PCSK2: variants seen among roughly 807,000 people sequenced by gnomAD.
PCSK2 encodes the protein proprotein convertase subtilisin/kexin type 2.
PCSK2 carries 14 observed loss-of-function variants against 69.7 expected under a neutral mutation model. The ratio of observed to expected loss-of-function variants is 0.20; its 90% CI spans 0.13 to 0.31. The LOEUF (loss-of-function observed/expected upper bound fraction) is 0.31. PCSK2 is among the 10% of genes least tolerant of loss of function. The pLI is 1.00. For missense variants in PCSK2, 544 were observed against 842.5 expected (o/e 0.65, Z 4.39); for synonymous variants, 307 against 320.7 (o/e 0.96, Z 0.46).
At chr20:17,236,046 C>T (rs1387688612) in intron 1 of PCSK2, among the ~76,000 whole-genome samples, 1 of 151,972 alleles carries the variant, frequency 6.6e-6, no homozygotes, top group Non-Finnish European at 1.5e-5. Flanking sequence ...TTAATTATCT[C>T]AAATCTCATT....
At chr20:17,263,056 G>T (rs78707233) in intron 2 of PCSK2, 1 of 716,562 alleles carries the variant, frequency 1.4e-6, no homozygotes, top group East Asian at 1.3e-4. Context: ...GCTGCTATTC[G>T]CTTTCAGGGC....
intron 2 of PCSK2, among the ~76,000 whole-genome samples, chr20:17,350,933 G>A (rs142095657): frequency 0.013 from 1,911 of 151,970 alleles, 14 homozygotes; most frequent in East Asian, 0.034. Context: ...CCAGCTACTC[G>A]GGAGGCTGAG....
Position 17,446,546 on chromosome 20 carries a change from G to A in PCSK2, c.886-7196G>A, listed in dbSNP as rs990393590. Among the ~76,000 whole-genome samples, 32 of 152,286 alleles carry A rather than the reference G, an allele frequency of 2.1e-4. No individual in the cohort carries two copies. The Middle Eastern group carries it at 0.01, about 49-fold the overall frequency. On this transcript the variant is annotated intron_variant, in intron 8 of 11. Transcript: ENST00000262545. ...GACCGTGGACAGTTTGCAATATTTA[G>A]CAAGCAGCAGCAATGACTACCACAA...
At chr20:17,466,449 G>A (rs570165722) in intron 11 of PCSK2, among the ~76,000 whole-genome samples, 2 of 152,248 alleles carry the variant, frequency 1.3e-5, no homozygotes, top group Admixed American at 1.3e-4. Flanking sequence ...ACAATCTAAG[G>A]ACTTGATTTT....
At chr20:17,432,770 T>A (rs1568647197) in intron 7 of PCSK2, among the ~76,000 whole-genome samples, 1 of 152,234 alleles carries the variant, frequency 6.6e-6, no homozygotes, top group African/African-American at 2.4e-5. Flanking sequence ...CAAGGAGTCG[T>A]AACACTGTCT....
intron 1 of PCSK2, among the ~76,000 whole-genome samples, chr20:17,247,166 C>T (rs951015057): frequency 6.6e-6 from 1 of 152,170 alleles, no homozygotes; most frequent in South Asian, 2.1e-4. Flanking sequence ...GTCTCTCATC[C>T]TCCAGCAGCC....
intron 2 of PCSK2, among the ~76,000 whole-genome samples, chr20:17,346,801 G>T (rs1381581716): frequency 6.6e-6 from 1 of 151,480 alleles, no homozygotes; most frequent in Non-Finnish European, 1.5e-5. Context: ...TCCTAACATT[G>T]CCCCACCACC....
intron 2 of PCSK2, among the ~76,000 whole-genome samples, chr20:17,342,830 T>C (rs1990545596): frequency 6.6e-6 from 1 of 151,940 alleles, no homozygotes; most frequent in Non-Finnish European, 1.5e-5. Context: ...TTTTTTCTTT[T>C]TTTTTGGTAG....
intron 2 of PCSK2, among the ~76,000 whole-genome samples, chr20:17,315,008 G>T (rs1989634039): frequency 6.6e-6 from 1 of 152,158 alleles, no homozygotes; most frequent in Admixed American, 6.5e-5. Context: ...GCTGAAAAAG[G>T]CTTTTCAATT....
In PCSK2 at chr20:17,250,636, C is replaced by A. The variant is rs969658719; in HGVS notation, c.178-9604C>A. On this transcript the variant is annotated intron_variant, in intron 1 of 11. Transcript: ENST00000262545. ...TATTCAATGTCCATCATTTCTTCTA[C>A]ATTTATTAATGGCAATTCCACTGTA... is the stretch of plus-strand genomic sequence containing the variant. Among the ~76,000 whole-genome samples the A allele has an allele frequency of 3.3e-5, 5 of 152,258 alleles. No individual in the cohort carries two copies. In the South Asian group the frequency reaches 8.3e-4, roughly 25 times the overall value.
rs1568612381 is a variant in PCSK2 at position 17,347,906 on chromosome 20, A to AG, written c.283-10421_283-10420insG. Among the ~76,000 whole-genome samples, 59 of 104,604 alleles carry AG rather than the reference A, an allele frequency of 5.6e-4. 7 individuals are homozygous for AG. Among genetic ancestry groups the AG allele is most frequent in the African/African-American group, 2.1e-3 (57 of 26,892 alleles). 68.6% of individuals were successfully genotyped at this position (104,604 alleles called of 152,430 possible). ...AAAGAAAGAAAGAAAGAAAGAAAGA[A>AG]AGAAAGAAAGAAAGGAGAGAGAAAA... is the stretch of plus-strand genomic sequence containing the variant. On this transcript the variant is annotated intron_variant, in intron 2 of 11. Coordinates refer to ENST00000262545, the MANE Select transcript of PCSK2 (RefSeq NM_002594.5).
chr20:17,465,822 C>T (rs2269030), intron 11 of PCSK2, among the ~76,000 whole-genome samples: 66,297 of 152,002 alleles, frequency 0.44, 14,574 homozygotes, highest in South Asian at 0.61. Context: ...CATGCGCCAC[C>T]ACACCCTGCT....
At chr20:17,413,688 G>A (rs1324889059) in intron 6 of PCSK2, among the ~76,000 whole-genome samples, 1 of 152,166 alleles carries the variant, frequency 6.6e-6, no homozygotes, top group Non-Finnish European at 1.5e-5. Context: ...GGACCTAATA[G>A]ACATCTACAG....
intron 10 of PCSK2, among the ~76,000 whole-genome samples, chr20:17,461,719 G>A (rs2033017278): frequency 1.3e-5 from 2 of 152,190 alleles, no homozygotes; most frequent in South Asian, 2.1e-4. Context: ...ACTTGATGCT[G>A]TAAATAGAAG....
chr20:17,353,503 C>A (rs986016895), intron 2 of PCSK2, among the ~76,000 whole-genome samples: 1 of 149,812 alleles, frequency 6.7e-6, no homozygotes, highest in Non-Finnish European at 1.5e-5. Context: ...TAAATGTTGG[C>A]GAGGCTGTGG....
intron 4 of PCSK2, among the ~76,000 whole-genome samples, chr20:17,367,437 C>G (rs571261464): frequency 6.6e-6 from 1 of 152,258 alleles, no homozygotes; most frequent in Admixed American, 6.5e-5. Context: ...GAAACCAAAG[C>G]TCAGACAGAT....
intron 4 of PCSK2, 82 bp downstream of exon 4, chr20:17,360,722 G>A (rs2030363335): frequency 3.8e-6 from 3 of 799,406 alleles, no homozygotes; most frequent in Non-Finnish European, 6.3e-6. Context: ...TTGTTTTGGA[G>A]ATGCTAACCA....
At chr20:17,463,374 A>G (rs1006987867) in intron 10 of PCSK2, 8 of 152,196 alleles carry the variant, frequency 5.3e-5, no homozygotes, top group Non-Finnish European at 1.2e-4. Context: ...AACTTAAGGA[A>G]CTTTTACACC....
chr20:17,282,273 A>G (rs144578712), intron 2 of PCSK2, among the ~76,000 whole-genome samples: 23 of 152,254 alleles, frequency 1.5e-4, no homozygotes, highest in Middle Eastern at 3.4e-3. Context: ...ACATATGTAT[A>G]TATATGTATA....
Sources: allele counts gnomAD v4.1 joint callset (sites outside exome capture counted in the v4.1 genomes callset), GRCh38; gene constraint gnomAD v4.1.1; transcripts MANE v1.5; gene names NCBI Gene and HGNC (gene_info 2026-07-23, HGNC 2026-07-21).